INVS: variants seen among roughly 807,000 people sequenced by gnomAD.
INVS encodes inversin.
A neutral mutation model predicts 108.8 loss-of-function variants in INVS; 86 were observed. The observed-to-expected ratio is 0.79, with a 90% CI of 0.66 to 0.95. INVS has a LOEUF of 0.95. INVS is among the 40% of genes least tolerant of loss of function. The pLI is 0.00. For missense variants in INVS, 1,169 were observed against 1,297.4 expected (o/e 0.90, Z 1.52); for synonymous variants, 455 against 473.5 (o/e 0.96, Z 0.51).
intron 3 of INVS, among the ~76,000 whole-genome samples, chr9:100,151,561 G>A (rs995387972): frequency 1.3e-5 from 2 of 152,158 alleles, no homozygotes; most frequent in Non-Finnish European, 2.9e-5. Flanking sequence ...AGAAAGAATG[G>A]TGGCCTGATC....
intron 10 of INVS, among the ~76,000 whole-genome samples, chr9:100,257,857 A>G (rs190053067): frequency 6.6e-6 from 1 of 152,018 alleles, no homozygotes; most frequent in Admixed American, 6.6e-5. Context: ...CCTTCATTTC[A>G]ACTTTGGTGA....
At chr9:100,290,492 G>A (rs182322547) in intron 13 of INVS, among the ~76,000 whole-genome samples, 204 of 151,996 alleles carry the variant, frequency 1.3e-3, no homozygotes, top group African/African-American at 4.9e-3. Flanking sequence ...TGGGATTACA[G>A]GCATGCACCA....
In INVS at chr9:100,229,724, A is replaced by G; in HGVS notation, c.512A>G (p.His171Arg). The change falls in exon 5 of 17, where the codon CAT becomes CGT. Residue 171 changes from histidine to arginine, a missense_variant. Physicochemically the swap from His to Arg is conservative, Grantham distance 29. Transcript: ENST00000262457. ...NPEHVKLLIK[H>R]DSNIGIPDVE... is the part of the protein sequence containing the mutation. ...GAGCATGTGAAGCTGCTCATCAAGC[A>G]TGATTCTAACATTGGGATTCCTGAT... is the stretch of plus-strand genomic sequence containing the variant. The G allele has an allele frequency of 1.2e-6, 2 of 1,614,122 alleles. No homozygotes were observed. Among genetic ancestry groups the G allele is most frequent in the Non-Finnish European group, 1.7e-6 (2 of 1,179,980 alleles).
At position 100,100,946 on chromosome 9, in the gene INVS, AC is replaced by A. The variant is rs1261421502; in HGVS notation, c.-25+1531del. Among the ~76,000 whole-genome samples, 79 of 31,508 alleles carry A rather than the reference AC, an allele frequency of 2.5e-3. 3 individuals are homozygous for A. The East Asian group carries it at 0.085, about 34-fold the overall frequency. 20.7% of individuals were successfully genotyped at this position (31,508 alleles called of 152,430 possible). A position where few individuals can be genotyped will look rare whatever the true frequency, so the allele number is the denominator to read the frequency against. ...TATATATAATATATATAATATATATACATATATATTATATATATAATATATA... is the reference window on the plus strand; with the variant it reads ...TATATATAATATATATAATATATATAATATATATTATATATATAATATATA... On this transcript the variant is annotated intron_variant, in intron 1 of 16. Coordinates refer to ENST00000262457, the MANE Select transcript of INVS (RefSeq NM_014425.5).
chr9:100,284,455 C>G lies in INVS; in HGVS notation c.1920C>G (p.Pro640=). ...TGCCCAGCAGGCAGAGCCGGGCCCCCAGCAAGCAGCCTCCTGCTGGCAACG... is the reference window on the plus strand; with the variant it reads ...TGCCCAGCAGGCAGAGCCGGGCCCCGAGCAAGCAGCCTCCTGCTGGCAACG... ...QDVPSRQSRA[P]SKQPPAGNVA... Residue 640 remains proline (P), a synonymous_variant, in exon 13 of 17, where the codon CCC becomes CCG. Coordinates refer to ENST00000262457, the MANE Select transcript of INVS (RefSeq NM_014425.5). 1.9e-6 allele frequency: 3 copies of G among 1,614,178 alleles called. No homozygotes were observed. The highest frequency in any genetic ancestry group is 2.5e-6 in the Non-Finnish European group (3 of 1,180,022).
intron 5 of INVS, among the ~76,000 whole-genome samples, chr9:100,237,076 A>G (rs1304816835): frequency 6.6e-6 from 1 of 152,146 alleles, no homozygotes; most frequent in Non-Finnish European, 1.5e-5. Flanking sequence ...AGAATCTAGA[A>G]AGGCAGTCTG....
intron 3 of INVS, among the ~76,000 whole-genome samples, chr9:100,171,951 C>T (rs953177154): frequency 1.3e-5 from 2 of 152,062 alleles, no homozygotes; most frequent in East Asian, 3.8e-4. Context: ...CTTCTGTTTC[C>T]TATTTTTTAA....
intron 13 of INVS, among the ~76,000 whole-genome samples, chr9:100,289,995 GTTC>G (rs1383935502): frequency 6.6e-6 from 1 of 152,094 alleles, no homozygotes; most frequent in African/African-American, 2.4e-5. Flanking sequence ...ATGAATGAAA[GTTC>G]TTATTGCTCC....
In INVS at chr9:100,229,715, T is replaced by C. The variant is rs1433258318; in HGVS notation, c.503T>C (p.Leu168Pro). The C allele has an allele frequency of 1.2e-6, 2 of 1,614,074 alleles. No individual in the cohort carries two copies. Among genetic ancestry groups the C allele is most frequent in the South Asian group, 2.2e-5 (2 of 91,078 alleles). The change falls in exon 5 of 17, where the codon CTC becomes CCC. Residue 168 changes from leucine (L) to proline (P), a missense_variant. Transcript: ENST00000262457. The stretch of plus-strand genomic sequence containing the variant: ...AATAACCCTGAGCATGTGAAGCTGC[T>C]CATCAAGCATGATTCTAACATTGGG... ...YYNNPEHVKL[L>P]IKHDSNIGIP...
chr9:100,176,024 T>G, intron 3 of INVS: 1 of 533,540 alleles, frequency 1.9e-6, no homozygotes, highest in Non-Finnish European at 3.7e-6. Context: ...ATTCCTAAAC[T>G]ATTCCAAGAA....
At chr9:100,267,517 G>A (rs1296119882) in intron 11 of INVS, among the ~76,000 whole-genome samples, 1 of 152,152 alleles carries the variant, frequency 6.6e-6, no homozygotes, top group Non-Finnish European at 1.5e-5. Flanking sequence ...TTGTTTCTTG[G>A]TTGGTTACCA....
chr9:100,161,697 T>G (rs914427812), intron 3 of INVS, among the ~76,000 whole-genome samples: 2 of 152,064 alleles, frequency 1.3e-5, no homozygotes, highest in African/African-American at 4.8e-5. Flanking sequence ...AGGTTAGGAT[T>G]GGATTGCAGG....
In INVS at chr9:100,264,817, T is replaced by C; in HGVS notation, c.1465-5T>C. The C allele has an allele frequency of 1.2e-6, 2 of 1,603,446 alleles. No individual in the cohort carries two copies. The highest frequency in any genetic ancestry group is 1.7e-6 in the Non-Finnish European group (2 of 1,170,270). On this transcript the variant is annotated splice_polypyrimidine_tract_variant and splice_region_variant and intron_variant, in intron 10 of 16. Coordinates refer to ENST00000262457, the MANE Select transcript of INVS (RefSeq NM_014425.5). ...GATGTACTTGATTTTTGTTTATGCT[T>C]ATAGGGAAGAACAGCTTTGCATTGG...
At chr9:100,229,560 C>G in intron 4 of INVS, 100 bp from the exon 5 acceptor site, 3 of 1,001,238 alleles carry the variant, frequency 3.0e-6, no homozygotes, top group Non-Finnish European at 4.7e-6. Flanking sequence ...TACAGGGCAA[C>G]TACTGTATAA....
chr9:100,102,750 C>T (rs1038960386), intron 1 of INVS: 14 of 152,306 alleles, frequency 9.2e-5, no homozygotes, highest in African/African-American at 2.7e-4. Context: ...AACTGGTCCA[C>T]GTCAAAACTC....
intron 3 of INVS, among the ~76,000 whole-genome samples, chr9:100,176,551 A>G (rs1283438667): frequency 2.6e-5 from 4 of 152,090 alleles, no homozygotes; most frequent in African/African-American, 9.7e-5. Context: ...ATCTCAGCTC[A>G]CTGCAGCCTC....
At chr9:100,237,349 C>T (rs948886620) in intron 5 of INVS, among the ~76,000 whole-genome samples, 1 of 152,164 alleles carries the variant, frequency 6.6e-6, no homozygotes, top group African/African-American at 2.4e-5. Context: ...CTTCAGCCCC[C>T]TTTCCAGTGG....
intron 6 of INVS, among the ~76,000 whole-genome samples, chr9:100,242,290 G>A (rs1412778159): frequency 6.6e-6 from 1 of 152,208 alleles, no homozygotes; most frequent in Admixed American, 6.5e-5. Context: ...GAAATGCAAT[G>A]AGGTGATACC....
At chr9:100,212,635 A>G (rs1830867496) in intron 3 of INVS, among the ~76,000 whole-genome samples, 1 of 151,970 alleles carries the variant, frequency 6.6e-6, no homozygotes, top group Admixed American at 6.6e-5. Flanking sequence ...GTTGTTGGTA[A>G]CACCCTCTAT....
Sources: allele counts gnomAD v4.1 joint callset (sites outside exome capture counted in the v4.1 genomes callset), GRCh38; gene constraint gnomAD v4.1.1; transcripts MANE v1.5; gene names NCBI Gene and HGNC (gene_info 2026-07-23, HGNC 2026-07-21).